Variants in PRKN observed in about 807,000 individuals in gnomAD.
The protein encoded by PRKN is parkin RBR E3 ubiquitin protein ligase.
A neutral mutation model predicts 59.5 loss-of-function variants in PRKN; 56 were observed. The ratio of observed to expected loss-of-function variants is 0.94; its 90% CI spans 0.76 to 1.18. PRKN has a LOEUF of 1.18. Ranked by LOEUF, PRKN falls within the 50% of genes most tolerant of loss-of-function variation. PRKN has a pLI of 0.00. For synonymous variants in PRKN, 250 were observed against 222.1 expected (o/e 1.13, Z -1.12); for missense variants, 657 against 596.4 (o/e 1.10, Z -1.06).
intron 7 of PRKN, among the ~76,000 whole-genome samples, chr6:161,776,056 A>G (rs991638666): frequency 3.3e-5 from 5 of 152,240 alleles, no homozygotes; most frequent in African/African-American, 7.2e-5. Context: ...GGCATTTCAT[A>G]GGGAAGGTGG....
Position 161,352,240 on chromosome 6 carries a change from T to G in PRKN, c.1286-2029A>C, listed in dbSNP as rs1395696713. On this transcript the variant is annotated intron_variant, in intron 11 of 11. Coordinates refer to ENST00000366898, the MANE Select transcript of PRKN (RefSeq NM_004562.3). This position sits in a 1 kb window ranked among gnomAD's most constrained non-coding sequence, Gnocchi z 5.8. Reference sequence around the variant, plus strand: ...CACTTTTATTATTAGAAACCTGGCATGAGAACTTTCACTAATTTAAAATAT... The same window carrying G: ...CACTTTTATTATTAGAAACCTGGCAGGAGAACTTTCACTAATTTAAAATAT... Among the ~76,000 whole-genome samples, 1 of 152,202 alleles carries G rather than the reference T, an allele frequency of 6.6e-6. No homozygotes were observed. Among genetic ancestry groups the G allele is most frequent in the African/African-American group, 2.4e-5 (1 of 41,466 alleles).
Position 161,401,678 on chromosome 6 carries a change from C to T in PRKN, c.1084-14801G>A, listed in dbSNP as rs1328044945. 6.6e-6 allele frequency among the ~76,000 whole-genome samples: 1 copy of T among 152,094 alleles called. No homozygotes were observed. Among genetic ancestry groups the T allele is most frequent in the Non-Finnish European group, 1.5e-5 (1 of 68,022 alleles). On this transcript the variant is annotated intron_variant, in intron 9 of 11. Coordinates refer to ENST00000366898, the MANE Select transcript of PRKN (RefSeq NM_004562.3). The surrounding 1 kb of genome is among the most constrained non-coding windows in gnomAD (Gnocchi z 4.4). ...GATTTCACCCTTGAAGTTAAGCACA[C>T]ACTAATGACAGAAGCTGAAATAAAT...
chr6:161,610,718 G>A (rs1042731072), intron 7 of PRKN, among the ~76,000 whole-genome samples: 13 of 152,080 alleles, frequency 8.5e-5, no homozygotes, highest in Non-Finnish European at 1.8e-4. Flanking sequence ...GGAGGATGTG[G>A]AGGAAGGTCT....
chr6:161,984,586 A>G (rs1373638404), intron 5 of PRKN, among the ~76,000 whole-genome samples: 1 of 152,140 alleles, frequency 6.6e-6, no homozygotes, highest in East Asian at 1.9e-4. Flanking sequence ...AGCAGTGCCC[A>G]TAGGCACTTC....
intron 1 of PRKN, among the ~76,000 whole-genome samples, chr6:162,608,544 T>C (rs1340793495): frequency 1.3e-5 from 2 of 152,300 alleles, no homozygotes; most frequent in African/African-American, 4.8e-5. Context: ...AAAACTTGAA[T>C]GACATAAACC....
intron 7 of PRKN, among the ~76,000 whole-genome samples, chr6:161,682,846 A>T (rs1785419815): frequency 6.6e-6 from 1 of 152,056 alleles, no homozygotes; most frequent in Non-Finnish European, 1.5e-5. Context: ...AGATGCCTGG[A>T]TGCACCCCAA....
chr6:162,514,040 C>T (rs1461666807), intron 1 of PRKN, among the ~76,000 whole-genome samples: 4 of 150,518 alleles, frequency 2.7e-5, no homozygotes, highest in Non-Finnish European at 5.9e-5. Flanking sequence ...AGCGAGACTC[C>T]ATCTCAAAAA....
chr6:162,156,146 A>G (rs1440952242), intron 4 of PRKN, among the ~76,000 whole-genome samples: 2 of 152,190 alleles, frequency 1.3e-5, no homozygotes, highest in African/African-American at 4.8e-5. Context: ...CATCATAATC[A>G]AAACAACTAA....
At chr6:161,748,571 C>T (rs1788536463) in intron 7 of PRKN, among the ~76,000 whole-genome samples, 1 of 152,106 alleles carries the variant, frequency 6.6e-6, no homozygotes, top group African/African-American at 2.4e-5. Flanking sequence ...TCCATCAGTC[C>T]ATGGAAATGG....
chr6:161,880,154 C>T (rs538167655), intron 6 of PRKN, among the ~76,000 whole-genome samples: 55 of 152,166 alleles, frequency 3.6e-4, no homozygotes, highest in African/African-American at 1.2e-3. Flanking sequence ...TCTAAAATAT[C>T]TTATTAAAAT....
At chr6:161,716,245 A>G (rs1349907216) in intron 7 of PRKN, 4 of 505,770 alleles carry the variant, frequency 7.9e-6, no homozygotes, top group African/African-American at 2.0e-5. Flanking sequence ...GCCAGATGTC[A>G]GTGCTGATAA....
chr6:162,117,200 T>C (rs538369271), intron 4 of PRKN, among the ~76,000 whole-genome samples: 1 of 152,180 alleles, frequency 6.6e-6, no homozygotes, highest in Non-Finnish European at 1.5e-5. Context: ...AAATAGATAA[T>C]GAAGAATGAT....
chr6:162,349,362 G>T (rs1157425662), intron 2 of PRKN, among the ~76,000 whole-genome samples: 1 of 152,100 alleles, frequency 6.6e-6, no homozygotes, highest in Admixed American at 6.6e-5. Context: ...GCTACATGAG[G>T]GGGCAGAGGC....
intron 4 of PRKN, among the ~76,000 whole-genome samples, chr6:162,189,551 T>A (rs1382258049): frequency 1.3e-5 from 2 of 151,390 alleles, no homozygotes; most frequent in Non-Finnish European, 2.9e-5. Flanking sequence ...GTAATAAGAA[T>A]AAAAATATCT....
chr6:162,350,612 G>C (rs1262154095), intron 2 of PRKN, among the ~76,000 whole-genome samples: 1 of 152,286 alleles, frequency 6.6e-6, no homozygotes, highest in East Asian at 1.9e-4. Context: ...GTAGCAATTA[G>C]AGATTGATAT....
intron 7 of PRKN, among the ~76,000 whole-genome samples, chr6:161,691,866 G>T (rs1361036733): frequency 6.6e-6 from 1 of 151,116 alleles, no homozygotes; most frequent in African/African-American, 2.4e-5. Context: ...GATCTTAAAG[G>T]CGTCTGGAAT....
At position 161,489,920 on chromosome 6, in the gene PRKN, C is replaced by A. The variant is rs547851565; in HGVS notation, c.1083+58934G>T. Among the ~76,000 whole-genome samples the A allele has an allele frequency of 3.9e-5, 6 of 152,292 alleles. No homozygotes were observed. In the South Asian group the frequency reaches 6.2e-4, roughly 16 times the overall value. On this transcript the variant is annotated intron_variant, in intron 9 of 11. Coordinates refer to ENST00000366898, the MANE Select transcript of PRKN (RefSeq NM_004562.3). ...CCAACTTCTGGATTCATTTGAGTTCCGATGGCTCCTGCCATACTGCTCCCA... is the reference window on the plus strand; with the variant it reads ...CCAACTTCTGGATTCATTTGAGTTCAGATGGCTCCTGCCATACTGCTCCCA...
intron 7 of PRKN, among the ~76,000 whole-genome samples, chr6:161,572,102 C>T (rs1045205196): frequency 1.3e-5 from 2 of 152,168 alleles, no homozygotes; most frequent in Non-Finnish European, 2.9e-5. Flanking sequence ...CCCCAGTAAA[C>T]GTCCTCTTGT....
At chr6:162,186,312 T>C (rs1174683418) in intron 4 of PRKN, among the ~76,000 whole-genome samples, 8 of 100,488 alleles carry the variant, frequency 8.0e-5, no homozygotes, top group African/African-American at 3.2e-4. Context: ...TTTAACAGAC[T>C]TTTTTTTTTT....
Sources: gnomAD v4.1 joint callset for allele counts (sites outside exome capture counted in the v4.1 genomes callset) on GRCh38, gnomAD v4.1.1 for gene constraint, Gnocchi (gnomAD v3.1) non-coding constraint, MANE v1.5 for transcripts, NCBI Gene and HGNC (gene_info 2026-07-23, HGNC 2026-07-21) for gene names.